The following GPHN variants were observed in gnomAD, a reference collection of about 807,000 sequenced individuals.
GPHN encodes the protein gephyrin.
A neutral mutation model predicts 95.5 loss-of-function variants in GPHN; 17 were observed. That is an observed-to-expected ratio of 0.18 (90% confidence interval 0.12 to 0.27). The LOEUF is 0.27. Among genes scored for constraint, GPHN ranks in the 10% least tolerant of loss-of-function variants. The pLI is 1.00. For missense variants in GPHN, 660 were observed against 978.1 expected (o/e 0.67, Z 4.34); for synonymous variants, 320 against 322.5 (o/e 0.99, Z 0.08).
intron 3 of GPHN, among the ~76,000 whole-genome samples, chr14:66,802,459 G>A (rs1014743752): frequency 1.2e-4 from 18 of 152,068 alleles, no homozygotes; most frequent in African/African-American, 4.3e-4. Flanking sequence ...ACCCCCTGTG[G>A]CCAAGTTGGT....
intron 1 of GPHN, among the ~76,000 whole-genome samples, chr14:66,518,150 A>C (rs1206917255): frequency 5.9e-5 from 9 of 151,574 alleles, no homozygotes; most frequent in East Asian, 1.9e-4. Flanking sequence ...AACAAAAAAA[A>C]CCCTGCAAAA....
At chr14:66,668,780 C>T (rs538726290) in intron 1 of GPHN, among the ~76,000 whole-genome samples, 12 of 152,090 alleles carry the variant, frequency 7.9e-5, no homozygotes, top group African/African-American at 2.7e-4. Flanking sequence ...CACTTGTACC[C>T]GTGAACTTAA....
At chr14:66,530,815 T>A (rs2058895125) in intron 1 of GPHN, among the ~76,000 whole-genome samples, 1 of 152,090 alleles carries the variant, frequency 6.6e-6, no homozygotes, top group Non-Finnish European at 1.5e-5. Flanking sequence ...CCCAATGAGA[T>A]GAGCCAGGTA....
the GPHN span, chr14:67,735,315 C>T: frequency 4.4e-5 from 36 of 811,596 alleles, no homozygotes; most frequent in East Asian, 2.7e-4. Flanking sequence ...TGTAGTGTCT[C>T]GCCCGACACC....
the GPHN span, among the ~76,000 whole-genome samples, chr14:67,637,267 G>T: frequency 1.3e-5 from 2 of 151,884 alleles, no homozygotes; most frequent in Admixed American, 6.6e-5. Context: ...AAAATTAGCT[G>T]GGCATGGTGG....
At chr14:66,511,929 T>G (rs893155675) in intron 1 of GPHN, among the ~76,000 whole-genome samples, 4 of 152,028 alleles carry the variant, frequency 2.6e-5, no homozygotes, top group Non-Finnish European at 5.9e-5. Flanking sequence ...ATTGTCCATC[T>G]CTAACAACAA....
chr14:67,706,846 G>T, the GPHN span, among the ~76,000 whole-genome samples: 7 of 152,200 alleles, frequency 4.6e-5, 1 homozygote, highest in African/African-American at 1.7e-4. Flanking sequence ...AATCTCTCTT[G>T]GTTAGGATGG....
the GPHN span, chr14:67,320,533 T>C: frequency 5.2e-6 from 4 of 772,014 alleles, no homozygotes; most frequent in Middle Eastern, 9.8e-4. Context: ...TAACCAAAGA[T>C]TTTGACAATT....
chr14:67,049,056 C>T (rs1254643700), intron 10 of GPHN, among the ~76,000 whole-genome samples: 2 of 152,038 alleles, frequency 1.3e-5, no homozygotes, highest in Admixed American at 6.5e-5. Flanking sequence ...TATGGGCTAC[C>T]GGCTGCTAGG....
chr14:67,662,902 C>CAAAAA, the GPHN span: 76 of 899,604 alleles, frequency 8.4e-5, no homozygotes, highest in Middle Eastern at 9.6e-4. Context: ...GACTCTGTCT[C>CAAAAA]AAAAAAAAAA....
At chr14:67,683,058 T>C in the GPHN span, among the ~76,000 whole-genome samples, 106 of 152,310 alleles carry the variant, frequency 7.0e-4, no homozygotes, top group African/African-American at 2.5e-3. Context: ...AGCAGACTAG[T>C]GGTTGCAGGC....
chr14:67,029,848 C>G (rs375820401), intron 10 of GPHN, among the ~76,000 whole-genome samples: 1 of 152,120 alleles, frequency 6.6e-6, no homozygotes, highest in East Asian at 1.9e-4. Context: ...AAGGGAAAGC[C>G]TAAAGGAAGG....
chr14:67,690,910 A>T, the GPHN span: 1 of 533,718 alleles, frequency 1.9e-6, no homozygotes. Context: ...TAGTCTGTTA[A>T]AAAATGCGCC....
chr14:67,733,155 G>A, the GPHN span, among the ~76,000 whole-genome samples: 4 of 151,910 alleles, frequency 2.6e-5, no homozygotes, highest in African/African-American at 9.7e-5. Flanking sequence ...AAAAAAACAT[G>A]ATGAGAACTG....
the GPHN span, chr14:67,225,256 C>T: frequency 6.6e-7 from 1 of 1,509,912 alleles, no homozygotes; most frequent in Non-Finnish European, 8.8e-7. Context: ...ACATGTAAGA[C>T]AAACTAAAGG....
At chr14:67,133,012 T>C (rs1354658189) in intron 17 of GPHN, among the ~76,000 whole-genome samples, 2 of 152,130 alleles carry the variant, frequency 1.3e-5, no homozygotes, top group Non-Finnish European at 2.9e-5. Flanking sequence ...AGAACCATGC[T>C]TTCTTCTTTC....
chr14:66,874,954 C>A (rs148965127), intron 4 of GPHN, among the ~76,000 whole-genome samples: 5,164 of 152,124 alleles, frequency 0.034, 272 homozygotes, highest in African/African-American at 0.11. Flanking sequence ...GACACATAAT[C>A]ATCAGATTCA....
intron 1 of GPHN, chr14:66,509,012 A>C: frequency 3.1e-5 from 7 of 229,388 alleles, no homozygotes; most frequent in East Asian, 2.4e-4. Context: ...TCCCATCTCC[A>C]CCCCCTTCCT....
intron 12 of GPHN, among the ~76,000 whole-genome samples, chr14:67,097,913 C>T (rs953731041): frequency 2.1e-4 from 32 of 152,122 alleles, no homozygotes; most frequent in African/African-American, 6.0e-4. Context: ...CATACATACA[C>T]GTATATAAAC....
Sources: gnomAD v4.1 joint callset for allele counts (sites outside exome capture counted in the v4.1 genomes callset) on GRCh38, gnomAD v4.1.1 for gene constraint, MANE v1.5 for transcripts, NCBI Gene and HGNC (gene_info 2026-07-23, HGNC 2026-07-21) for gene names.